PJA2: variants seen among roughly 807,000 people sequenced by gnomAD.
PJA2 encodes E3 ubiquitin-protein ligase Praja-2.
Under a neutral mutation model 69.3 loss-of-function variants are expected in PJA2, and 25 were observed. That is an observed-to-expected ratio of 0.36 (90% CI 0.26 to 0.50). PJA2 has a LOEUF of 0.50. PJA2 is among the 20% of genes least tolerant of loss of function. PJA2 has a pLI of 0.96. For missense variants in PJA2, 809 were observed against 830.2 expected (o/e 0.97, Z 0.31); for synonymous variants, 308 against 277.8 (o/e 1.11, Z -1.08).
At chr5:109,400,848 T>C (rs1015408141) in intron 1 of PJA2, among the ~76,000 whole-genome samples, 1 of 151,962 alleles carries the variant, frequency 6.6e-6, no homozygotes, top group Non-Finnish European at 1.5e-5. Context: ...CCAGGCATGG[T>C]TGCGGGTGCC....
intron 4 of PJA2, among the ~76,000 whole-genome samples, chr5:109,371,250 C>T (rs1387372200): frequency 2.0e-5 from 3 of 152,162 alleles, no homozygotes; most frequent in African/African-American, 7.2e-5. Context: ...CCCCAGCCAG[C>T]CCCAACCATC....
intron 7 of PJA2, among the ~76,000 whole-genome samples, chr5:109,349,098 T>C (rs1192083732): frequency 6.6e-6 from 1 of 152,162 alleles, no homozygotes; most frequent in Non-Finnish European, 1.5e-5. Flanking sequence ...GAAACTTCAT[T>C]TGTAGTAATA....
At chr5:109,367,692 T>A (rs1048382553) in intron 5 of PJA2, among the ~76,000 whole-genome samples, 13 of 152,172 alleles carry the variant, frequency 8.5e-5, no homozygotes, top group African/African-American at 3.1e-4. Context: ...AAATCCCATG[T>A]AAAATATTAG....
Position 109,343,034 on chromosome 5 carries a change from G to A in PJA2, c.2001+1156C>T, listed in dbSNP as rs1482594521. Among the ~76,000 whole-genome samples, 14 of 103,972 alleles carry A rather than the reference G, an allele frequency of 1.3e-4. No individual in the cohort carries two copies. In the South Asian group the frequency reaches 2.6e-3, roughly 19 times the overall value. The allele number at this position is 103,972 out of a possible 152,430, so 68.2% of individuals were successfully genotyped here. On this transcript the variant is annotated intron_variant, in intron 9 of 9. Coordinates refer to ENST00000361189, the MANE Select transcript of PJA2 (RefSeq NM_014819.5). ...CCAACAGCTCATTGAGAACGGGCCAGGATGACAATGGCGGCTTTGTGGAAT... is the reference window on the plus strand; with the variant it reads ...CCAACAGCTCATTGAGAACGGGCCAAGATGACAATGGCGGCTTTGTGGAAT...
chr5:109,353,678 T>C (rs1762325531), intron 7 of PJA2, among the ~76,000 whole-genome samples: 1 of 148,446 alleles, frequency 6.7e-6, no homozygotes, highest in Non-Finnish European at 1.5e-5. Flanking sequence ...TACAGACATC[T>C]ATATATTAGA....
chr5:109,338,636 CAAAA>C (rs11336749), intron 9 of PJA2, among the ~76,000 whole-genome samples: 64 of 62,452 alleles, frequency 1.0e-3, no homozygotes, highest in African/African-American at 2.7e-3. Flanking sequence ...AACTCCGTCT[CAAAA>C]AAAAAAAAAA....
At chr5:109,354,475 CTA>C (rs1352404832) in intron 7 of PJA2, among the ~76,000 whole-genome samples, 1 of 89,146 alleles carries the variant, frequency 1.1e-5, no homozygotes, top group Non-Finnish European at 2.7e-5. Flanking sequence ...CTAGAGATAT[CTA>C]TAGATTAGAT....
At chr5:109,354,500 A>AGAGATATCTATAGAT (rs1762370723) in intron 7 of PJA2, among the ~76,000 whole-genome samples, 3 of 35,256 alleles carry the variant, frequency 8.5e-5, no homozygotes, top group African/African-American at 5.4e-4. Flanking sequence ...CTATAATATC[A>AGAGATATCTATAGAT]TAGATATCTA....
chr5:109,375,470 T>TG (rs1554054695), intron 4 of PJA2, among the ~76,000 whole-genome samples: 1 of 151,994 alleles, frequency 6.6e-6, no homozygotes, highest in Non-Finnish European at 1.5e-5. Context: ...ATCACGCCAC[T>TG]GCACTCCAGC....
intron 1 of PJA2, among the ~76,000 whole-genome samples, chr5:109,394,297 C>T (rs1252823829): frequency 6.6e-6 from 1 of 151,798 alleles, no homozygotes; most frequent in Non-Finnish European, 1.5e-5. Flanking sequence ...ATCCACCCGC[C>T]TCCGCCTCTC....
intron 6 of PJA2, 137 bp downstream of exon 6, chr5:109,362,703 A>G: frequency 1.2e-6 from 1 of 835,104 alleles, no homozygotes; most frequent in Non-Finnish European, 1.7e-6. Context: ...GAACATTTGA[A>G]ATGAGCTTTG....
chr5:109,335,271 T>C lies in PJA2; in HGVS notation c.*1960A>G, dbSNP rs974364143. 1 of 152,614 alleles carries C rather than the reference T, an allele frequency of 6.6e-6. No individual in the cohort carries two copies. Among genetic ancestry groups the C allele is most frequent in the African/African-American group, 2.4e-5 (1 of 41,442 alleles). 9.5% of individuals were successfully genotyped at this position (152,614 alleles called of 1,614,324 possible). ...CTTCACAGCAGCTGTTTATAGATAG[T>C]AGGGAGCCAAGAATGAAGGACAGTA... On this transcript the variant is annotated 3_prime_UTR_variant, in exon 10 of 10. Coordinates refer to ENST00000361189, the MANE Select transcript of PJA2 (RefSeq NM_014819.5).
At chr5:109,360,169 C>T (rs1420461966) in intron 6 of PJA2, among the ~76,000 whole-genome samples, 1 of 152,152 alleles carries the variant, frequency 6.6e-6, no homozygotes, top group African/African-American at 2.4e-5. Context: ...GAATTAACTT[C>T]TCACAATCTT....
At chr5:109,367,143 A>AATAT (rs1554054261) in intron 5 of PJA2, among the ~76,000 whole-genome samples, 271 of 143,192 alleles carry the variant, frequency 1.9e-3, no homozygotes, top group South Asian at 3.3e-3. Context: ...CAAAAAAAAA[A>AATAT]ATATATATAT....
intron 1 of PJA2, among the ~76,000 whole-genome samples, chr5:109,400,148 G>A (rs1055568110): frequency 1.3e-5 from 2 of 151,910 alleles, no homozygotes; most frequent in Non-Finnish European, 2.9e-5. Flanking sequence ...AAATTAGTGA[G>A]ACGTGGTGGT....
intron 7 of PJA2, among the ~76,000 whole-genome samples, chr5:109,352,981 CTA>C (rs1762284761): frequency 3.0e-4 from 6 of 19,976 alleles, no homozygotes; most frequent in Non-Finnish European, 6.0e-4. Context: ...TATTAGATAC[CTA>C]TATCTATAGA....
intron 4 of PJA2, among the ~76,000 whole-genome samples, chr5:109,377,783 A>T (rs1407661523): frequency 6.6e-6 from 1 of 152,222 alleles, no homozygotes; most frequent in African/African-American, 2.4e-5. Context: ...ATAAAGAGGG[A>T]AACAAGTGAT....
chr5:109,335,417 G>T lies in PJA2; in HGVS notation c.*1814C>A, dbSNP rs1025898525. 3 of 152,572 alleles carry T rather than the reference G, an allele frequency of 2.0e-5. No individual in the cohort carries two copies. The highest frequency in any genetic ancestry group is 7.2e-5 in the African/African-American group (3 of 41,434). The allele number at this position is 152,572 out of a possible 1,614,324, so 9.5% of individuals were successfully genotyped here. A position where few individuals can be genotyped will look rare whatever the true frequency, so the allele number is the denominator to read the frequency against. On this transcript the variant is annotated 3_prime_UTR_variant, in exon 10 of 10. Transcript: ENST00000361189. ...TAATAGCTAAATCTTAACAGACAAA[G>T]AAGAAATATTTTCTTTGGGACAGCT...
At chr5:109,365,592 T>A (rs59593760) in intron 5 of PJA2, among the ~76,000 whole-genome samples, 21,994 of 143,798 alleles carry the variant, frequency 0.15, 2,629 homozygotes, top group East Asian at 0.35. Flanking sequence ...CTTTTTTTTT[T>A]AAAACAACTG....
Sources: allele counts gnomAD v4.1 joint callset (sites outside exome capture counted in the v4.1 genomes callset), GRCh38; gene constraint gnomAD v4.1.1; transcripts MANE v1.5; gene names NCBI Gene and HGNC (gene_info 2026-07-23, HGNC 2026-07-21).